The following GNG7 variants were observed in gnomAD, a reference collection of about 807,000 sequenced individuals.
GNG7 encodes guanine nucleotide-binding protein G(I)/G(S)/G(O) subunit gamma-7.
In GNG7, 1 loss-of-function variant was observed where a neutral mutation model predicts 4.0. That is an observed-to-expected ratio of 0.25 (90% CI 0.09 to 1.18). The LOEUF (loss-of-function observed/expected upper bound fraction) is 1.18, where lower values mean the gene tolerates loss of function less well. GNG7 is among the 50% of genes most tolerant of loss of function. The probability of loss-of-function intolerance (pLI) is 0.50; values close to 1 mark genes in which losing one functional copy is unlikely to be tolerated. For synonymous variants in GNG7, 34 were observed against 36.9 expected (o/e 0.92, Z 0.29); for missense variants, 86 against 91.9 (o/e 0.94, Z 0.26).
At chr19:2,658,637 TCA>T (rs1357584801) in intron 1 of GNG7, among the ~76,000 whole-genome samples, 1 of 152,172 alleles carries the variant, frequency 6.6e-6, no homozygotes, top group Non-Finnish European at 1.5e-5. Flanking sequence ...TTTGAGGGCA[TCA>T]CGCCCAGTGA....
At chr19:2,594,924 C>T (rs1980968499) in intron 2 of GNG7, 1 of 151,878 alleles carries the variant, frequency 6.6e-6, no homozygotes, top group African/African-American at 2.4e-5. Context: ...TTGAGACCAG[C>T]CTGGGCAACA....
At chr19:2,607,437 G>C (rs1040964531) in intron 2 of GNG7, among the ~76,000 whole-genome samples, 6 of 150,716 alleles carry the variant, frequency 4.0e-5, no homozygotes, top group African/African-American at 1.2e-4. Flanking sequence ...GCTGAGGCAG[G>C]AGAATTGCTT....
intron 1 of GNG7, among the ~76,000 whole-genome samples, chr19:2,691,439 G>A (rs1248656210): frequency 6.6e-6 from 1 of 152,132 alleles, no homozygotes; most frequent in African/African-American, 2.4e-5. Context: ...AGCTACTCAG[G>A]AGGCTGAGGT....
intron 2 of GNG7, among the ~76,000 whole-genome samples, chr19:2,620,027 G>C (rs555955418): frequency 6.6e-6 from 1 of 151,622 alleles, no homozygotes; most frequent in African/African-American, 2.4e-5. Context: ...AAGAAACCCC[G>C]TCTCTACTAA....
At chr19:2,694,274 A>G (rs1158137763) in intron 1 of GNG7, among the ~76,000 whole-genome samples, 1 of 151,656 alleles carries the variant, frequency 6.6e-6, no homozygotes, top group Non-Finnish European at 1.5e-5. Flanking sequence ...TAGTTCAACC[A>G]TAGTTTTTAG....
intron 1 of GNG7, among the ~76,000 whole-genome samples, chr19:2,651,565 C>G (rs986985805): frequency 6.8e-6 from 1 of 146,420 alleles, no homozygotes; most frequent in African/African-American, 2.5e-5. Flanking sequence ...TTCTCTCTCT[C>G]TCTCTCTCTC....
At chr19:2,632,522 A>C in intron 2 of GNG7, 1 of 151,868 alleles carries the variant, frequency 6.6e-6, no homozygotes, top group Non-Finnish European at 1.5e-5. Flanking sequence ...GCACACAGAA[A>C]ACAGACTGGG....
rs1347278722 is a variant in GNG7, at chr19:2,546,615, T to C, written c.-38+8534A>G. On this transcript the variant is annotated intron_variant, in intron 3 of 4. Coordinates refer to ENST00000382159, the MANE Select transcript of GNG7 (RefSeq NM_052847.3). This position sits in a 1 kb window ranked among gnomAD's most constrained non-coding sequence, Gnocchi z 6.3. ...GAGGTGCCCACGAGAAAGTGAAAAA[T>C]AGACCAGCGGGGCAGGTCCCGCCGC... 2.6e-5 allele frequency among the ~76,000 whole-genome samples: 4 copies of C among 151,854 alleles called. No individual in the cohort carries two copies. Among genetic ancestry groups the C allele is most frequent in the African/African-American group, 9.7e-5 (4 of 41,316 alleles).
intron 3 of GNG7, among the ~76,000 whole-genome samples, chr19:2,525,971 A>ATTTTTTTTTTTCTTTTTTT (rs1978380924): frequency 1.3e-5 from 1 of 75,684 alleles, no homozygotes; most frequent in Non-Finnish European, 2.3e-5. Flanking sequence ...CTCCACGCCA[A>ATTTTTTTTTTTCTTTTTTT]TTTTTTTTTT....
chr19:2,678,321 T>TCTTCCAGAAGCTTCTGGAAA (rs889129050), intron 1 of GNG7, among the ~76,000 whole-genome samples: 3 of 152,244 alleles, frequency 2.0e-5, no homozygotes, highest in African/African-American at 7.2e-5. Flanking sequence ...TGTTCTGGAA[T>TCTTCCAGAAGCTTCTGGAAA]CTTCCAGAAG....
At chr19:2,517,244 C>T (rs1972748398) in intron 4 of GNG7, among the ~76,000 whole-genome samples, 1 of 152,116 alleles carries the variant, frequency 6.6e-6, no homozygotes, top group African/African-American at 2.4e-5. Flanking sequence ...GTGGTGCTAT[C>T]ATAGCTCAAT....
intron 3 of GNG7, among the ~76,000 whole-genome samples, chr19:2,552,426 C>T (rs993548306): frequency 8.6e-5 from 13 of 151,928 alleles, no homozygotes; most frequent in African/African-American, 3.1e-4. Flanking sequence ...GCTCTGTTGC[C>T]GAGGCTGGAG....
At chr19:2,657,786 G>A (rs1389846521) in intron 1 of GNG7, among the ~76,000 whole-genome samples, 2 of 152,112 alleles carry the variant, frequency 1.3e-5, no homozygotes, top group African/African-American at 4.8e-5. Flanking sequence ...CCTAGGTACC[G>A]AGGCAAGAGA....
At chr19:2,594,409 A>AGGAG (rs1980949868) in intron 2 of GNG7, among the ~76,000 whole-genome samples, 1 of 30,236 alleles carries the variant, frequency 3.3e-5, no homozygotes, top group Non-Finnish European at 1.4e-4. Context: ...GAAGGAGGGA[A>AGGAG]GGAAGGAAGG....
At chr19:2,644,361 ATATATATATATATATATAT>A (rs1982605541) in intron 2 of GNG7, among the ~76,000 whole-genome samples, 2 of 19,592 alleles carry the variant, frequency 1.0e-4, no homozygotes, top group African/African-American at 5.7e-4. Context: ...ATATATATAT[ATATATATATATATATATAT>A]AATGCTCTAT....
intron 2 of GNG7, among the ~76,000 whole-genome samples, chr19:2,624,077 A>G (rs1288788562): frequency 2.0e-5 from 3 of 151,870 alleles, no homozygotes; most frequent in Non-Finnish European, 4.4e-5. Flanking sequence ...CAAGTGTTTC[A>G]CGGGGACAGA....
Position 2,611,831 on chromosome 19 carries a change from G to T in GNG7, c.-78+34393C>A, listed in dbSNP as rs552253762. On this transcript the variant is annotated intron_variant, in intron 2 of 4. Coordinates refer to ENST00000382159, the MANE Select transcript of GNG7 (RefSeq NM_052847.3). The surrounding 1 kb of genome is among the most constrained non-coding windows in gnomAD (Gnocchi z 6.0). ...AGCCTGGGCGACAGAGGGAGATTCTGTCTCTAAAAAAATAAAAAGTAAAAG... is the reference window on the plus strand; with the variant it reads ...AGCCTGGGCGACAGAGGGAGATTCTTTCTCTAAAAAAATAAAAAGTAAAAG... 43 of 151,934 alleles carry T rather than the reference G, an allele frequency of 2.8e-4. No individual in the cohort carries two copies. The highest frequency in any genetic ancestry group is 1.0e-3 in the African/African-American group (42 of 41,348). The allele number at this position is 151,934 out of a possible 1,614,324, so 9.4% of individuals were successfully genotyped here.
intron 1 of GNG7, among the ~76,000 whole-genome samples, chr19:2,671,791 T>A (rs73510552): frequency 0.33 from 49,657 of 151,840 alleles, 8,362 homozygotes; most frequent in East Asian, 0.53. Flanking sequence ...ATTTTATTTT[T>A]TTTTAAGATG....
intron 4 of GNG7, among the ~76,000 whole-genome samples, chr19:2,517,349 A>G (rs1051844999): frequency 6.6e-6 from 1 of 151,938 alleles, no homozygotes; most frequent in Non-Finnish European, 1.5e-5. Flanking sequence ...ACACCTGGCC[A>G]TAATTTTCAT....
Sources: gnomAD v4.1 joint callset for allele counts (sites outside exome capture counted in the v4.1 genomes callset) on GRCh38, gnomAD v4.1.1 for gene constraint, Gnocchi (gnomAD v3.1) non-coding constraint, MANE v1.5 for transcripts, NCBI Gene and HGNC (gene_info 2026-07-23, HGNC 2026-07-21) for gene names.